The following LMTK2 variants were observed in gnomAD, a reference collection of about 807,000 sequenced individuals.
LMTK2 encodes the protein serine/threonine-protein kinase LMTK2.
Under a neutral mutation model 127.5 loss-of-function variants are expected in LMTK2, and 37 were observed. The ratio of observed to expected loss-of-function variants is 0.29; its 90% CI spans 0.22 to 0.38. The LOEUF is 0.38. Among genes scored for constraint, LMTK2 ranks in the 10% least tolerant of loss-of-function variants. The pLI is 1.00. For synonymous variants in LMTK2, 819 were observed against 810.1 expected, an observed-to-expected ratio of 1.01 and a Z score of -0.19; for missense variants, 1,694 against 1,920.3, an observed-to-expected ratio of 0.88 and a Z score of 2.20.
chr7:98,158,057 A>G (rs1796956078), intron 5 of LMTK2, among the ~76,000 whole-genome samples: 1 of 152,042 alleles, frequency 6.6e-6, no homozygotes, highest in South Asian at 2.1e-4. Flanking sequence ...TGTCTTTGCA[A>G]CTCCTGTGAG....
chr7:98,122,704 GTGTGTGTGTGTGTGTGTGTGTGTATA>G (rs939830761), intron 1 of LMTK2, among the ~76,000 whole-genome samples: 1 of 2,860 alleles, frequency 3.5e-4, no homozygotes, highest in Non-Finnish European at 5.4e-3. Flanking sequence ...GTGTGTGTGT[GTGTGTGTGTGTGTGTGTGTGTGTATA>G]TATATAACTG....
chr7:98,192,273 A>T lies in LMTK2; in HGVS notation c.1808A>T (p.Asp603Val). ...RSVELEESST[D>V]EDFFQSSTDP... ...GTTGAACTTGAGGAGTCCAGTACAG[A>T]TGAGGACTTCTTCCAAAGCAGTACA... Residue 603 changes from aspartate (D) to valine (V), a missense_variant, in exon 11 of 14, where the codon GAT becomes GTT. Coordinates refer to ENST00000297293, the MANE Select transcript of LMTK2 (RefSeq NM_014916.4). 2 of 1,532,578 alleles carry T rather than the reference A, an allele frequency of 1.3e-6. No individual in the cohort carries two copies. The highest frequency in any genetic ancestry group is 8.7e-7 in the Non-Finnish European group (1 of 1,145,616). The allele number at this position is 1,532,578 out of a possible 1,614,324, so 94.9% of individuals were successfully genotyped here.
chr7:98,111,322 G>A lies in LMTK2; in HGVS notation c.103+4042G>A, dbSNP rs555086337. ...GTAGATATAATTTTAAAAAGACACT[G>A]TCATATAAATAAGGGACGTCCAGGG... On this transcript the variant is annotated intron_variant, in intron 1 of 13. Coordinates refer to ENST00000297293, the MANE Select transcript of LMTK2 (RefSeq NM_014916.4). Among the ~76,000 whole-genome samples, 160 of 152,314 alleles carry A rather than the reference G, an allele frequency of 1.1e-3. 1 individual carries two copies. The highest frequency in any genetic ancestry group is 3.3e-3 in the Admixed American group (51 of 15,294).
chr7:98,186,196 TG>T (rs1797430852), intron 8 of LMTK2, among the ~76,000 whole-genome samples: 1 of 152,070 alleles, frequency 6.6e-6, no homozygotes, highest in South Asian at 2.1e-4. Flanking sequence ...TCCGAGTAAC[TG>T]GGACTACAGG....
At chr7:98,121,138 A>G (rs1276802271) in intron 1 of LMTK2, among the ~76,000 whole-genome samples, 1 of 152,116 alleles carries the variant, frequency 6.6e-6, no homozygotes, top group African/African-American at 2.4e-5. Context: ...GGTCCAGGCC[A>G]CCCGTTCACC....
rs1441381105 is a variant in LMTK2, at chr7:98,106,920, G to A, written c.-258G>A. ...CGCGGCTTCCCAGGCCCGCCGCTCC[G>A]CAGGGCTGCTGGCGTTGCTGCTGTT... On this transcript the variant is annotated 5_prime_UTR_variant, in exon 1 of 14. Coordinates refer to ENST00000297293, the MANE Select transcript of LMTK2 (RefSeq NM_014916.4). The A allele has an allele frequency of 6.6e-6, 3 of 451,754 alleles. No homozygotes were observed. The highest frequency in any genetic ancestry group is 1.2e-5 in the Non-Finnish European group (3 of 254,934). The allele number at this position is 451,754 out of a possible 1,614,324, so 28.0% of individuals were successfully genotyped here. A position where few individuals can be genotyped will look rare whatever the true frequency, so the allele number is the denominator to read the frequency against.
intron 6 of LMTK2, among the ~76,000 whole-genome samples, chr7:98,160,471 T>A (rs548219356): frequency 4.6e-5 from 7 of 152,326 alleles, no homozygotes; most frequent in African/African-American, 1.7e-4. Context: ...ATCTTAGGTG[T>A]TGGCTTTGAG....
intron 1 of LMTK2, among the ~76,000 whole-genome samples, chr7:98,109,874 C>T (rs561727709): frequency 2.0e-5 from 3 of 151,930 alleles, no homozygotes; most frequent in South Asian, 2.1e-4. Flanking sequence ...ATATATTAGA[C>T]CAAGTTTAAA....
chr7:98,197,156 G>A (rs926501239), intron 11 of LMTK2, among the ~76,000 whole-genome samples: 4 of 152,224 alleles, frequency 2.6e-5, no homozygotes, highest in African/African-American at 4.8e-5. Flanking sequence ...AGCACTTACC[G>A]TGTAAAGTAG....
intron 1 of LMTK2, 32 bp downstream of exon 1, chr7:98,107,312 G>C: frequency 1.5e-6 from 2 of 1,293,648 alleles, no homozygotes; most frequent in Non-Finnish European, 2.0e-6. Flanking sequence ...ACGGGGCTGC[G>C]GGGTCTTCGG....
chr7:98,140,528 G>T (rs1167890248), intron 2 of LMTK2, among the ~76,000 whole-genome samples: 4 of 151,948 alleles, frequency 2.6e-5, no homozygotes, highest in Non-Finnish European at 5.9e-5. Context: ...GCGTCACATG[G>T]TTTTTTTAGT....
At chr7:98,203,521 G>A in intron 11 of LMTK2, 53 bp from the exon 12 acceptor site, 1 of 1,547,456 alleles carries the variant, frequency 6.5e-7, no homozygotes, top group Non-Finnish European at 8.7e-7. Context: ...GGTCACACGG[G>A]GGGTTCCCGT....
intron 1 of LMTK2, among the ~76,000 whole-genome samples, chr7:98,132,153 G>A (rs1796528683): frequency 6.6e-6 from 1 of 152,168 alleles, no homozygotes; most frequent in African/African-American, 2.4e-5. Flanking sequence ...CACAACGGAT[G>A]GAAGCCTGTG....
chr7:98,107,004 G>T lies in LMTK2; in HGVS notation c.-174G>T. 2.1e-6 allele frequency: 1 copy of T among 474,892 alleles called. No individual in the cohort carries two copies. Among genetic ancestry groups the T allele is most frequent in the South Asian group, 3.4e-5 (1 of 29,218 alleles). 29.4% of individuals were successfully genotyped at this position (474,892 alleles called of 1,614,324 possible). On this transcript the variant is annotated 5_prime_UTR_variant, in exon 1 of 14. Coordinates refer to ENST00000297293, the MANE Select transcript of LMTK2 (RefSeq NM_014916.4). ...AGGATGGTGTTTCTGCGACTGGAGC[G>T]GCAGGTGCGGACCGGGAGCCGGACC...
At chr7:98,177,751 C>G (rs1367607941) in intron 7 of LMTK2, among the ~76,000 whole-genome samples, 4 of 152,244 alleles carry the variant, frequency 2.6e-5, no homozygotes, top group Non-Finnish European at 1.5e-5. Context: ...CAAATCCTAG[C>G]AGGTGCCTGA....
intron 1 of LMTK2, among the ~76,000 whole-genome samples, chr7:98,125,083 C>A (rs541735292): frequency 6.6e-6 from 1 of 151,766 alleles, no homozygotes; most frequent in African/African-American, 2.4e-5. Flanking sequence ...GCGGGCGGAT[C>A]ACGAGGTCAG....
At chr7:98,129,452 A>G (rs750604717) in intron 1 of LMTK2, among the ~76,000 whole-genome samples, 7 of 152,032 alleles carry the variant, frequency 4.6e-5, no homozygotes, top group Non-Finnish European at 7.4e-5. Context: ...ATCGTAGCTT[A>G]CTTCAGCCTT....
chr7:98,167,655 T>G (rs1216075869), intron 6 of LMTK2, among the ~76,000 whole-genome samples: 2 of 152,190 alleles, frequency 1.3e-5, no homozygotes, highest in Non-Finnish European at 2.9e-5. Context: ...TGGCAGAGGT[T>G]TGTGCCAGAG....
intron 3 of LMTK2, among the ~76,000 whole-genome samples, chr7:98,145,598 T>TG (rs2116376873): frequency 1.3e-5 from 2 of 152,316 alleles, no homozygotes; most frequent in South Asian, 4.1e-4. Flanking sequence ...ATTCATGCAC[T>TG]GATCTTTTCT....
Sources: allele counts gnomAD v4.1 joint callset (sites outside exome capture counted in the v4.1 genomes callset), GRCh38; gene constraint gnomAD v4.1.1; transcripts MANE v1.5; gene names NCBI Gene and HGNC (gene_info 2026-07-23, HGNC 2026-07-21).